BRD4: variants seen among roughly 807,000 people sequenced by gnomAD.
BRD4 encodes bromodomain containing 4.
BRD4 carries 16 observed loss-of-function variants against 142.1 expected under a neutral mutation model. That is an observed-to-expected ratio of 0.11 (90% CI 0.08 to 0.17). The LOEUF (loss-of-function observed/expected upper bound fraction) is 0.17. Ranked by LOEUF, BRD4 falls within the 10% of genes least tolerant of loss-of-function variation. BRD4 has a pLI of 1.00. For synonymous variants in BRD4, 833 were observed against 707.5 expected, an observed-to-expected ratio of 1.18 and a Z score of -2.82; for missense variants, 1,424 against 1,810.9, an observed-to-expected ratio of 0.79 and a Z score of 3.88.
At chr19:15,323,637 G>A (rs2048083682) in intron 1 of BRD4, among the ~76,000 whole-genome samples, 3 of 152,144 alleles carry the variant, frequency 2.0e-5, no homozygotes, top group Admixed American at 6.6e-5. Flanking sequence ...AAGGACACGA[G>A]AATTACTAAT....
intron 11 of BRD4, chr19:15,247,609 G>T (rs1297957456): frequency 8.6e-6 from 2 of 232,904 alleles, no homozygotes; most frequent in Non-Finnish European, 1.7e-5. Context: ...CCCGACACTG[G>T]TAATCAGGCT....
intron 1 of BRD4, among the ~76,000 whole-genome samples, chr19:15,282,047 A>C (rs1352900506): frequency 5.9e-5 from 9 of 151,282 alleles, no homozygotes; most frequent in Non-Finnish European, 1.2e-4. Flanking sequence ...AACAAACAAA[A>C]ACTGTTGGGT....
rs180948489 is a variant in BRD4 at position 15,309,304 on chromosome 19, C to T, written c.-35+22986G>A. Among the ~76,000 whole-genome samples, 93 of 146,372 alleles carry T rather than the reference C, an allele frequency of 6.4e-4. 1 individual carries two copies. In the Middle Eastern group the frequency reaches 0.01, roughly 16 times the overall value. On this transcript the variant is annotated intron_variant, in intron 1 of 19. Coordinates refer to ENST00000679869, the MANE Select transcript of BRD4 (RefSeq NM_001379291.1). ...GCAGAGCAGAGATTGTGCCACTGTA[C>T]TCCAGCCTGGGCGACAGAGCAAGAC...
At chr19:15,266,419 G>C (rs1856533892) in intron 4 of BRD4, among the ~76,000 whole-genome samples, 1 of 152,162 alleles carries the variant, frequency 6.6e-6, no homozygotes, top group South Asian at 2.1e-4. Context: ...GTGAGATTCT[G>C]CTGAGTTTCC....
intron 1 of BRD4, among the ~76,000 whole-genome samples, chr19:15,302,433 G>A (rs1010613151): frequency 2.0e-5 from 3 of 151,888 alleles, no homozygotes; most frequent in East Asian, 3.9e-4. Flanking sequence ...AGAGCAGTTC[G>A]GCCACGCACG....
chr19:15,243,025 T>C lies in BRD4; in HGVS notation c.3044A>G (p.Gln1015Arg). The C allele has an allele frequency of 7.5e-6, 2 of 266,254 alleles. No homozygotes were observed. The highest frequency in any genetic ancestry group is 1.0e-5 in the Non-Finnish European group (2 of 191,104). 16.5% of individuals were successfully genotyped at this position (266,254 alleles called of 1,614,324 possible). A position where few individuals can be genotyped will look rare whatever the true frequency, so the allele number is the denominator to read the frequency against. Reference protein sequence around the residue: ...STHIQQPPPPQGQQPPHPPPG... With the variant: ...STHIQQPPPPRGQQPPHPPPG... Reference sequence around the variant, plus strand: ...GGGCGGATGGGGGGGCTGCTGGCCCTGGGGTGGCGGGGGCTGTTGGATGTG... The same window carrying C: ...GGGCGGATGGGGGGGCTGCTGGCCCCGGGGTGGCGGGGGCTGTTGGATGTG... The change falls in exon 14 of 20, where the codon CAG (glutamine) becomes CGG (arginine). Residue 1015 changes from glutamine to arginine, a missense_variant. Gln to Arg is a conservative substitution (Grantham distance 43, BLOSUM62 1). Transcript: ENST00000679869.
At chr19:15,282,945 G>A (rs930165355) in intron 1 of BRD4, among the ~76,000 whole-genome samples, 3 of 152,134 alleles carry the variant, frequency 2.0e-5, no homozygotes, top group South Asian at 2.1e-4. Flanking sequence ...CAGCCTAGGC[G>A]ACAGAGTAAG....
Position 15,238,991 on chromosome 19 carries a change from G to C in BRD4, c.3783-11C>G, listed in dbSNP as rs773134670. ...TCGTCCTCTCGGCTCCTGGGCAGAGGGTCCCAGTCAGCCTGGGGACTGGTG... is the reference window on the plus strand; with the variant it reads ...TCGTCCTCTCGGCTCCTGGGCAGAGCGTCCCAGTCAGCCTGGGGACTGGTG... On this transcript the variant is annotated splice_polypyrimidine_tract_variant and intron_variant, in intron 18 of 19. Transcript: ENST00000679869. This position sits in a 1 kb window ranked among gnomAD's most constrained non-coding sequence, Gnocchi z 7.2. 2 of 1,579,748 alleles carry C rather than the reference G, an allele frequency of 1.3e-6. No individual in the cohort carries two copies. The highest frequency in any genetic ancestry group is 2.2e-5 in the South Asian group (2 of 89,058).
At chr19:15,314,757 G>A (rs146447478) in intron 1 of BRD4, among the ~76,000 whole-genome samples, 1 of 152,198 alleles carries the variant, frequency 6.6e-6, no homozygotes, top group Non-Finnish European at 1.5e-5. Flanking sequence ...TACCACAGGG[G>A]ACAGTGGCTA....
chr19:15,257,219 C>G lies in BRD4; in HGVS notation c.1342-46G>C, dbSNP rs780229988. ...TGTGACGGCTGCTGGGTACCCAGGC[C>G]GCGGCCTAGCATCACCTGCCCTCAT... On this transcript the variant is annotated intron_variant, in intron 7 of 19. Transcript: ENST00000679869. 4 of 1,532,350 alleles carry G rather than the reference C, an allele frequency of 2.6e-6. No individual in the cohort carries two copies. The East Asian group carries it at 9.2e-5, about 35-fold the overall frequency. The allele number at this position is 1,532,350 out of a possible 1,614,324, so 94.9% of individuals were successfully genotyped here. A position where few individuals can be genotyped will look rare whatever the true frequency, so the allele number is the denominator to read the frequency against.
chr19:15,274,749 A>C (rs1460903196), intron 1 of BRD4, among the ~76,000 whole-genome samples: 2 of 152,240 alleles, frequency 1.3e-5, no homozygotes, highest in African/African-American at 2.4e-5. Flanking sequence ...GTCTCTTTCC[A>C]AAAAGACTTG....
chr19:15,311,508 C>T (rs1176870846), intron 1 of BRD4, among the ~76,000 whole-genome samples: 2 of 151,238 alleles, frequency 1.3e-5, no homozygotes, highest in African/African-American at 4.9e-5. Context: ...CTGTCTGAAT[C>T]GGCCAGGTGC....
intron 1 of BRD4, among the ~76,000 whole-genome samples, chr19:15,273,797 A>G (rs2047615977): frequency 6.6e-6 from 1 of 151,284 alleles, no homozygotes; most frequent in Non-Finnish European, 1.5e-5. Flanking sequence ...AAATGAATCC[A>G]TACTAGACCT....
At chr19:15,278,398 T>C (rs1328511274) in intron 1 of BRD4, among the ~76,000 whole-genome samples, 1 of 151,730 alleles carries the variant, frequency 6.6e-6, no homozygotes, top group Non-Finnish European at 1.5e-5. Flanking sequence ...CAGCCAGGTA[T>C]GGTGGCGCAT....
At chr19:15,272,275 C>T (rs528755542) in intron 2 of BRD4, among the ~76,000 whole-genome samples, 2 of 152,288 alleles carry the variant, frequency 1.3e-5, no homozygotes, top group African/African-American at 4.8e-5. Context: ...GCTGCAGCCA[C>T]AGCCACCTTT....
intron 11 of BRD4, chr19:15,253,758 C>A: frequency 6.3e-7 from 1 of 1,598,230 alleles, no homozygotes; most frequent in Non-Finnish European, 8.5e-7. Context: ...GCCCTGGGGA[C>A]ACGAAGTCTC....
At chr19:15,283,004 G>A (rs1003680921) in intron 1 of BRD4, among the ~76,000 whole-genome samples, 20 of 152,050 alleles carry the variant, frequency 1.3e-4, no homozygotes, top group African/African-American at 3.1e-4. Flanking sequence ...ATTATGAAAC[G>A]CAATGTGACA....
chr19:15,319,915 AAC>A (rs1201089154), intron 1 of BRD4, among the ~76,000 whole-genome samples: 2 of 152,232 alleles, frequency 1.3e-5, no homozygotes, highest in Non-Finnish European at 2.9e-5. Context: ...CGGCCTGGGC[AAC>A]ACAGTGAGAC....
chr19:15,274,289 T>C (rs1332435267), intron 1 of BRD4, among the ~76,000 whole-genome samples: 1 of 152,050 alleles, frequency 6.6e-6, no homozygotes, highest in Non-Finnish European at 1.5e-5. Flanking sequence ...TAAACCCCAC[T>C]CACATGTGGA....
Sources: allele counts gnomAD v4.1 joint callset (sites outside exome capture counted in the v4.1 genomes callset), GRCh38; gene constraint gnomAD v4.1.1; non-coding constraint Gnocchi (gnomAD v3.1); transcripts MANE v1.5; gene names NCBI Gene and HGNC (gene_info 2026-07-23, HGNC 2026-07-21).